UBN2: variants seen among roughly 807,000 people sequenced by gnomAD.
UBN2 encodes ubinuclein 2.
A neutral mutation model predicts 120.2 loss-of-function variants in UBN2; 35 were observed. The ratio of observed to expected loss-of-function variants is 0.29; its 90% CI spans 0.22 to 0.39. UBN2 has a LOEUF of 0.39. UBN2 is among the 10% of genes least tolerant of loss of function. The pLI, the probability that UBN2 is intolerant of heterozygous loss-of-function variation, is 1.00. For missense variants in UBN2, 1,693 were observed against 1,663.2 expected (o/e 1.02, Z -0.31); for synonymous variants, 661 against 648.7 (o/e 1.02, Z -0.29).
chr7:139,272,031 A>G (rs766504701), intron 8 of UBN2, among the ~76,000 whole-genome samples: 4 of 152,212 alleles, frequency 2.6e-5, no homozygotes, highest in Admixed American at 2.6e-4. Context: ...TTTCTGTATG[A>G]AAGTGTTCAC....
chr7:139,327,921 C>A, the UBN2 span, among the ~76,000 whole-genome samples: 1,292 of 152,314 alleles, frequency 8.5e-3, 27 homozygotes, highest in African/African-American at 0.029. Flanking sequence ...TGATAGAATT[C>A]TCCCTAATCC....
At chr7:139,271,740 A>C (rs1797281118) in intron 8 of UBN2, among the ~76,000 whole-genome samples, 1 of 152,226 alleles carries the variant, frequency 6.6e-6, no homozygotes, top group Admixed American at 6.5e-5. Context: ...TGTCAGATGC[A>C]AACCTACTTT....
intron 7 of UBN2, among the ~76,000 whole-genome samples, chr7:139,269,086 G>A (rs952559654): frequency 3.3e-5 from 5 of 152,062 alleles, no homozygotes; most frequent in Non-Finnish European, 5.9e-5. Context: ...GCGGGTGCCT[G>A]TAATCCTGGC....
rs1405029005 is a variant in UBN2 at position 139,293,481 on chromosome 7, A to AT, written c.3901+21dup. ...AACTCAGAGTAAGTGGGGCTCTTCT[A>AT]TTTGGTTGGGCTGTCTAGCTTGACA... is the stretch of plus-strand genomic sequence containing the variant. On this transcript the variant is annotated intron_variant, in intron 16 of 17. Transcript: ENST00000473989. 6.2e-7 allele frequency: 1 copy of AT among 1,608,864 alleles called. No homozygotes were observed. The highest frequency in any genetic ancestry group is 1.3e-5 in the African/African-American group (1 of 74,770).
chr7:139,324,792 G>A, the UBN2 span, among the ~76,000 whole-genome samples: 33 of 152,054 alleles, frequency 2.2e-4, no homozygotes, highest in African/African-American at 5.5e-4. Flanking sequence ...CCAATATGGC[G>A]AAACCCCGTC....
At chr7:139,275,448 T>G (rs1432303428) in intron 11 of UBN2, among the ~76,000 whole-genome samples, 1 of 151,910 alleles carries the variant, frequency 6.6e-6, no homozygotes, top group East Asian at 1.9e-4. Flanking sequence ...CCGGGCATGG[T>G]GGCGGGCACC....
the UBN2 span, among the ~76,000 whole-genome samples, chr7:139,320,145 A>G: frequency 6.6e-6 from 1 of 151,878 alleles, no homozygotes; most frequent in East Asian, 1.9e-4. Context: ...TTCTCTGCAC[A>G]TCTAATTATC....
the UBN2 span, among the ~76,000 whole-genome samples, chr7:139,314,976 A>AT: frequency 6.1e-5 from 9 of 147,904 alleles, no homozygotes; most frequent in African/African-American, 1.5e-4. Context: ...AATAATAATA[A>AT]TATTATTATT....
rs781612374 is a variant in UBN2, at chr7:139,293,481, A to G, written c.3901+18A>G. On this transcript the variant is annotated intron_variant, in intron 16 of 17. Coordinates refer to ENST00000473989, the MANE Select transcript of UBN2 (RefSeq NM_173569.4). ...AACTCAGAGTAAGTGGGGCTCTTCT[A>G]TTTGGTTGGGCTGTCTAGCTTGACA... is the stretch of plus-strand genomic sequence containing the variant. 9.9e-6 allele frequency: 16 copies of G among 1,608,758 alleles called. No homozygotes were observed. In the East Asian group the frequency reaches 1.3e-4, roughly 13 times the overall value.
At chr7:139,321,326 G>T in the UBN2 span, among the ~76,000 whole-genome samples, 1 of 152,230 alleles carries the variant, frequency 6.6e-6, no homozygotes, top group African/African-American at 2.4e-5. Context: ...CAGGCAGGAG[G>T]GGGTGGGTGC....
chr7:139,247,015 A>G (rs373317827), intron 2 of UBN2, among the ~76,000 whole-genome samples: 12 of 152,140 alleles, frequency 7.9e-5, no homozygotes, highest in African/African-American at 1.2e-4. Flanking sequence ...TCAAGTTGCT[A>G]TAAACGTGAG....
intron 17 of UBN2, among the ~76,000 whole-genome samples, chr7:139,297,027 C>T (rs1489241981): frequency 6.6e-6 from 1 of 151,998 alleles, no homozygotes; most frequent in Non-Finnish European, 1.5e-5. Context: ...AACCCTGTCT[C>T]TACTAAAAAT....
chr7:139,282,834 C>CT (rs1797655722), intron 14 of UBN2, among the ~76,000 whole-genome samples, 190 bp from the exon 15 acceptor site: 1 of 152,084 alleles, frequency 6.6e-6, no homozygotes, highest in African/African-American at 2.4e-5. Flanking sequence ...ATATCAGATA[C>CT]TTTGTCTTGT....
At chr7:139,264,157 G>A (rs1447138466) in intron 6 of UBN2, among the ~76,000 whole-genome samples, 1 of 152,082 alleles carries the variant, frequency 6.6e-6, no homozygotes, top group East Asian at 1.9e-4. Flanking sequence ...CATCAGTTAA[G>A]TGACCTTTTA....
intron 15 of UBN2, among the ~76,000 whole-genome samples, chr7:139,285,488 C>A (rs1201490085): frequency 6.6e-6 from 1 of 152,218 alleles, no homozygotes; most frequent in Non-Finnish European, 1.5e-5. Context: ...TCCACTGACT[C>A]TTGCTTAGTA....
chr7:139,301,730 T>A lies in UBN2; in HGVS notation c.*3894T>A, dbSNP rs1798262140. 6.6e-6 allele frequency: 1 copy of A among 152,138 alleles called. No homozygotes were observed. Among genetic ancestry groups the A allele is most frequent in the African/African-American group, 2.4e-5 (1 of 41,440 alleles). 9.4% of individuals were successfully genotyped at this position (152,138 alleles called of 1,614,324 possible). On this transcript the variant is annotated 3_prime_UTR_variant, in exon 18 of 18. Transcript: ENST00000473989. Reference sequence around the variant, plus strand: ...TTTTGTTTCTGTTTTTGTTTTTTTTTAAAGTTGGAAATAGAAGAATGAGAA... The same window carrying A: ...TTTTGTTTCTGTTTTTGTTTTTTTTAAAAGTTGGAAATAGAAGAATGAGAA...
At chr7:139,311,064 T>C (rs184130701), downstream of UBN2, among the ~76,000 whole-genome samples, 1 of 152,358 alleles carries the variant, frequency 6.6e-6, no homozygotes, top group East Asian at 1.9e-4. Flanking sequence ...CTGAAATGTG[T>C]ACCACTGCTT....
chr7:139,278,326 C>T (rs1026529481), intron 12 of UBN2, among the ~76,000 whole-genome samples: 15 of 151,876 alleles, frequency 9.9e-5, no homozygotes, highest in Admixed American at 7.2e-4. Context: ...GGACTACAGG[C>T]GTGCGCCACC....
intron 5 of UBN2, among the ~76,000 whole-genome samples, chr7:139,260,553 C>T (rs927574005): frequency 7.2e-5 from 11 of 152,088 alleles, no homozygotes; most frequent in African/African-American, 2.7e-4. Context: ...AAGGGAAAGA[C>T]GCTTGTGAGA....
Sources: gnomAD v4.1 joint callset for allele counts (sites outside exome capture counted in the v4.1 genomes callset) on GRCh38, gnomAD v4.1.1 for gene constraint, MANE v1.5 for transcripts, NCBI Gene and HGNC (gene_info 2026-07-23, HGNC 2026-07-21) for gene names.